SUCLG2: variants seen among roughly 807,000 people sequenced by gnomAD.
The protein encoded by SUCLG2 is succinate--CoA ligase [GDP-forming] subunit beta, mitochondrial.
Under a neutral mutation model 47.9 loss-of-function variants are expected in SUCLG2, and 42 were observed. The observed-to-expected ratio is 0.88, with a 90% CI of 0.69 to 1.14. The LOEUF is 1.14. Ranked by LOEUF, SUCLG2 falls within the 50% of genes most tolerant of loss-of-function variation. SUCLG2 has a pLI of 0.00. For missense variants in SUCLG2, 571 were observed against 525.9 expected (o/e 1.09, Z -0.84); for synonymous variants, 195 against 197.3 (o/e 0.99, Z 0.10).
At chr3:67,539,270 C>T (rs957833874) in intron 2 of SUCLG2, among the ~76,000 whole-genome samples, 8 of 151,972 alleles carry the variant, frequency 5.3e-5, no homozygotes, top group Non-Finnish European at 1.2e-4. Flanking sequence ...TAGCACGAAC[C>T]GGTGTTGATT....
chr3:67,568,882 G>T (rs1381354372), intron 2 of SUCLG2, among the ~76,000 whole-genome samples: 1 of 152,008 alleles, frequency 6.6e-6, no homozygotes, highest in Non-Finnish European at 1.5e-5. Context: ...GCGAGACTCC[G>T]TCTCAAAAAA....
intron 1 of SUCLG2, among the ~76,000 whole-genome samples, chr3:67,638,938 G>A (rs184686431): frequency 4.6e-5 from 7 of 152,246 alleles, no homozygotes. Context: ...AAGGTTATAG[G>A]AAGAACTTCC....
At chr3:67,421,456 GC>G (rs1703156779) in intron 9 of SUCLG2, among the ~76,000 whole-genome samples, 1 of 152,158 alleles carries the variant, frequency 6.6e-6, no homozygotes, top group Non-Finnish European at 1.5e-5. Context: ...TCTTCGCTCT[GC>G]CCTGCTTTAG....
In SUCLG2 at chr3:67,612,312, T is replaced by C. The variant is rs561012017; in HGVS notation, c.85-2716A>G. Among the ~76,000 whole-genome samples, 4 of 151,820 alleles carry C rather than the reference T, an allele frequency of 2.6e-5. No individual in the cohort carries two copies. In the South Asian group the frequency reaches 6.2e-4, roughly 24 times the overall value. On this transcript the variant is annotated intron_variant, in intron 1 of 10. Transcript: ENST00000307227. The stretch of plus-strand genomic sequence containing the variant: ...AGGCTGAGGCTGCAGTGAGCTATGA[T>C]TGTGCCACTGCACTCCAGCTTGGGT...
intron 1 of SUCLG2, among the ~76,000 whole-genome samples, chr3:67,620,584 CAAAAAAAAA>C (rs71109890): frequency 1.6e-5 from 1 of 63,518 alleles, no homozygotes; most frequent in Non-Finnish European, 2.9e-5. Flanking sequence ...GACTCCATCT[CAAAAAAAAA>C]AAAAAAAAAA....
intron 1 of SUCLG2, among the ~76,000 whole-genome samples, chr3:67,620,492 G>A (rs540378201): frequency 5.5e-5 from 8 of 145,492 alleles, no homozygotes; most frequent in Admixed American, 4.2e-4. Context: ...GGCTGAGACA[G>A]GAGAACAGCT....
rs113119377 is a variant in SUCLG2, at chr3:67,475,988, C to CCT, written c.1062+19808_1062+19809dup. Among the ~76,000 whole-genome samples the CCT allele has an allele frequency of 7.8e-3, 1,139 of 146,104 alleles. 12 individuals are homozygous for CCT. The highest frequency in any genetic ancestry group is 0.022 in the African/African-American group (862 of 40,000). On this transcript the variant is annotated intron_variant, in intron 9 of 10. Coordinates refer to ENST00000307227, the MANE Select transcript of SUCLG2 (RefSeq NM_003848.4). The stretch of plus-strand genomic sequence containing the variant: ...TGAGTATTCCTTCCCTTTCCTTCTC[C>CCT]CTCTCTCTCTCTCTCTCTCTCTCTC...
intron 1 of SUCLG2, among the ~76,000 whole-genome samples, chr3:67,636,641 T>G (rs1223876493): frequency 2.0e-5 from 3 of 150,108 alleles, no homozygotes; most frequent in Non-Finnish European, 4.4e-5. Context: ...CGTGAGCCAC[T>G]GCACCCAGCC....
At chr3:67,609,630 C>T in intron 1 of SUCLG2, 34 bp from the exon 2 acceptor site, 1 of 1,594,012 alleles carries the variant, frequency 6.3e-7, no homozygotes, top group South Asian at 1.1e-5. Context: ...TAAGAACATT[C>T]ATTAATAGCA....
chr3:67,505,695 A>G (rs1411377283), intron 7 of SUCLG2, among the ~76,000 whole-genome samples: 4 of 152,136 alleles, frequency 2.6e-5, no homozygotes, highest in African/African-American at 9.7e-5. Context: ...GGCACAATGG[A>G]TCACACCTGT....
At chr3:67,418,874 T>C (rs890625590) in intron 9 of SUCLG2, among the ~76,000 whole-genome samples, 1 of 152,060 alleles carries the variant, frequency 6.6e-6, no homozygotes, top group African/African-American at 2.4e-5. Context: ...CAAAAAAGTA[T>C]TGAGAGAGAA....
chr3:67,594,512 T>G (rs1305540924), intron 2 of SUCLG2, among the ~76,000 whole-genome samples: 1 of 152,192 alleles, frequency 6.6e-6, no homozygotes, highest in Non-Finnish European at 1.5e-5. Context: ...CAGGTCAGCT[T>G]AAAAATCACC....
intron 2 of SUCLG2, among the ~76,000 whole-genome samples, chr3:67,555,641 G>T (rs929159532): frequency 3.8e-4 from 58 of 152,292 alleles, no homozygotes; most frequent in Middle Eastern, 3.4e-3. Context: ...TGTCAAAAAG[G>T]CTTAGAAATG....
chr3:67,603,071 T>G (rs894929908), intron 2 of SUCLG2, among the ~76,000 whole-genome samples: 1 of 152,196 alleles, frequency 6.6e-6, no homozygotes, highest in African/African-American at 2.4e-5. Context: ...CAACCTCTCA[T>G]GGACCACATA....
At chr3:67,569,041 T>G (rs568329536) in intron 2 of SUCLG2, among the ~76,000 whole-genome samples, 4 of 152,184 alleles carry the variant, frequency 2.6e-5, no homozygotes, top group Non-Finnish European at 4.4e-5. Context: ...GAACGATGAT[T>G]GTACCGTTGA....
At chr3:67,385,212 C>T (rs576900262) in intron 10 of SUCLG2, among the ~76,000 whole-genome samples, 2 of 152,184 alleles carry the variant, frequency 1.3e-5, no homozygotes, top group African/African-American at 4.8e-5. Context: ...ATATGCGAGT[C>T]CTGGTACCTG....
At chr3:67,570,653 A>C (rs1707582378) in intron 2 of SUCLG2, among the ~76,000 whole-genome samples, 1 of 151,470 alleles carries the variant, frequency 6.6e-6, no homozygotes, top group Admixed American at 6.6e-5. Context: ...CTCAATAAAA[A>C]CTCTGGACAC....
At chr3:67,366,830 T>C (rs866447512) in intron 10 of SUCLG2, among the ~76,000 whole-genome samples, 1 of 152,192 alleles carries the variant, frequency 6.6e-6, no homozygotes, top group Admixed American at 6.5e-5. Flanking sequence ...TAACCAGCCA[T>C]GTTTTTGAGG....
At chr3:67,454,433 A>T (rs1249856785) in intron 9 of SUCLG2, among the ~76,000 whole-genome samples, 1 of 152,128 alleles carries the variant, frequency 6.6e-6, no homozygotes, top group Non-Finnish European at 1.5e-5. Flanking sequence ...TGAAATAATT[A>T]TACAGCCTAC....
Sources: allele counts gnomAD v4.1 joint callset (sites outside exome capture counted in the v4.1 genomes callset), GRCh38; gene constraint gnomAD v4.1.1; transcripts MANE v1.5; gene names NCBI Gene and HGNC (gene_info 2026-07-23, HGNC 2026-07-21).